CCSER1: variants seen among roughly 807,000 people sequenced by gnomAD.
CCSER1 encodes the protein serine-rich coiled-coil domain-containing protein 1.
CCSER1 carries 41 observed loss-of-function variants against 82.0 expected under a neutral mutation model. That is an observed-to-expected ratio of 0.50 (90% CI 0.39 to 0.65). CCSER1 has a LOEUF of 0.65. CCSER1 is among the 30% of genes least tolerant of loss of function. The pLI is 0.00. For synonymous variants in CCSER1, 414 were observed against 383.9 expected (o/e 1.08, Z -0.92); for missense variants, 1,119 against 1,064.2 (o/e 1.05, Z -0.72).
intron 5 of CCSER1, among the ~76,000 whole-genome samples, chr4:90,550,042 C>T (rs1310355789): frequency 1.3e-5 from 2 of 151,984 alleles, no homozygotes; most frequent in Non-Finnish European, 2.9e-5. Context: ...TTATCAAAAC[C>T]TTGCATTAGA....
intron 7 of CCSER1, among the ~76,000 whole-genome samples, chr4:90,725,437 A>G (rs1180167929): frequency 6.6e-6 from 1 of 151,484 alleles, no homozygotes; most frequent in Non-Finnish European, 1.5e-5. Context: ...AGAAATTAAA[A>G]CTTTCAAGTG....
intron 1 of CCSER1, among the ~76,000 whole-genome samples, chr4:90,145,197 G>T (rs1192685329): frequency 6.6e-6 from 1 of 151,976 alleles, no homozygotes; most frequent in African/African-American, 2.4e-5. Flanking sequence ...GCCCCAATTA[G>T]ATTTTAAATA....
intron 5 of CCSER1, among the ~76,000 whole-genome samples, chr4:90,519,199 G>A (rs1039178617): frequency 6.6e-6 from 1 of 151,312 alleles, no homozygotes; most frequent in Non-Finnish European, 1.5e-5. Context: ...CCTTCTATGT[G>A]CCAGATATTC....
intron 10 of CCSER1, among the ~76,000 whole-genome samples, chr4:91,540,484 AT>A (rs1761530045): frequency 6.6e-6 from 1 of 151,816 alleles, no homozygotes; most frequent in Non-Finnish European, 1.5e-5. Context: ...CGTATTGAAT[AT>A]TTTTTCCGAA....
At chr4:91,178,362 T>G (rs1463185811) in intron 10 of CCSER1, among the ~76,000 whole-genome samples, 1 of 151,368 alleles carries the variant, frequency 6.6e-6, no homozygotes, top group Non-Finnish European at 1.5e-5. Flanking sequence ...TTCCTGGATA[T>G]CCTTGTTAAC....
intron 1 of CCSER1, among the ~76,000 whole-genome samples, chr4:90,289,068 A>C (rs1730437147): frequency 6.6e-6 from 1 of 151,890 alleles, no homozygotes; most frequent in South Asian, 2.1e-4. Flanking sequence ...GAAGTGAGAA[A>C]GTAAGAATGT....
intron 9 of CCSER1, among the ~76,000 whole-genome samples, chr4:91,027,276 T>C (rs562638110): frequency 2.6e-5 from 4 of 152,190 alleles, no homozygotes; most frequent in Non-Finnish European, 5.9e-5. Context: ...CATTTTTATT[T>C]ACTAGACACA....
chr4:91,537,724 T>C (rs928077991), intron 10 of CCSER1, among the ~76,000 whole-genome samples: 8 of 152,054 alleles, frequency 5.3e-5, no homozygotes, highest in Middle Eastern at 3.4e-3. Flanking sequence ...AATAATGACT[T>C]AAAAAAATGA....
At chr4:90,383,235 C>T (rs543220944) in intron 3 of CCSER1, among the ~76,000 whole-genome samples, 8 of 151,876 alleles carry the variant, frequency 5.3e-5, no homozygotes, top group East Asian at 1.9e-4. Flanking sequence ...CAAGTAAAAT[C>T]GGAAAGGTTA....
chr4:90,881,289 G>A (rs1721271699), intron 8 of CCSER1, among the ~76,000 whole-genome samples: 1 of 151,778 alleles, frequency 6.6e-6, no homozygotes, highest in South Asian at 2.1e-4. Context: ...GGAGAGGAGA[G>A]AGGCAGAGAC....
intron 7 of CCSER1, among the ~76,000 whole-genome samples, chr4:90,729,676 C>T (rs1427840721): frequency 6.6e-6 from 1 of 151,940 alleles, no homozygotes; most frequent in African/African-American, 2.4e-5. Context: ...GGGATCGAGA[C>T]CATTCTGGCT....
At chr4:91,211,516 A>G (rs1169758880) in intron 10 of CCSER1, among the ~76,000 whole-genome samples, 3 of 152,114 alleles carry the variant, frequency 2.0e-5, no homozygotes, top group Non-Finnish European at 4.4e-5. Flanking sequence ...ATTATTGAGA[A>G]ATAAACTATT....
rs1461915064 is a variant in CCSER1 at position 90,692,039 on chromosome 4, A to G, written c.1933-31875A>G. The stretch of plus-strand genomic sequence containing the variant: ...TTCTTTTACAATTCAATGTGTGTAT[A>G]TATATATATATATATATATATATAT... On this transcript the variant is annotated intron_variant, in intron 6 of 10. Coordinates refer to ENST00000509176, the MANE Select transcript of CCSER1 (RefSeq NM_001145065.2). Among the ~76,000 whole-genome samples the G allele has an allele frequency of 2.6e-3, 26 of 10,176 alleles. No homozygotes were observed. The East Asian group carries it at 0.056, about 22-fold the overall frequency. The allele number at this position is 10,176 out of a possible 152,430, so 6.7% of individuals were successfully genotyped here.
At chr4:91,426,133 C>A (rs370042057) in intron 10 of CCSER1, among the ~76,000 whole-genome samples, 1 of 152,066 alleles carries the variant, frequency 6.6e-6, no homozygotes, top group Non-Finnish European at 1.5e-5. Flanking sequence ...TGAGCACATG[C>A]GGTGTTTGGT....
chr4:90,895,058 A>C (rs973293959), intron 8 of CCSER1, among the ~76,000 whole-genome samples: 13 of 152,000 alleles, frequency 8.6e-5, no homozygotes, highest in African/African-American at 3.1e-4. Context: ...GGAGCAAAAT[A>C]TAATGCTTCA....
chr4:91,143,573 GC>G (rs1425369642), intron 10 of CCSER1, among the ~76,000 whole-genome samples: 1 of 152,042 alleles, frequency 6.6e-6, no homozygotes, highest in Non-Finnish European at 1.5e-5. Flanking sequence ...AATGCCTCTA[GC>G]TTTTGCCCAT....
chr4:91,375,726 A>G (rs1055321078), intron 10 of CCSER1, among the ~76,000 whole-genome samples: 9 of 152,138 alleles, frequency 5.9e-5, no homozygotes, highest in African/African-American at 2.2e-4. Context: ...TAAAAGTGAA[A>G]CAAATAGCTG....
chr4:90,129,136 C>T (rs1032997216), intron 1 of CCSER1, among the ~76,000 whole-genome samples: 2 of 151,734 alleles, frequency 1.3e-5, no homozygotes, highest in African/African-American at 2.4e-5. Context: ...TAACACACAT[C>T]CTCCCTTCTC....
At chr4:91,048,840 C>G (rs1465077477) in intron 9 of CCSER1, among the ~76,000 whole-genome samples, 3 of 152,164 alleles carry the variant, frequency 2.0e-5, no homozygotes, top group Non-Finnish European at 2.9e-5. Context: ...CTCAAGTACA[C>G]ACTGCATTAC....
Sources: gnomAD v4.1 joint callset for allele counts (sites outside exome capture counted in the v4.1 genomes callset) on GRCh38, gnomAD v4.1.1 for gene constraint, MANE v1.5 for transcripts, NCBI Gene and HGNC (gene_info 2026-07-23, HGNC 2026-07-21) for gene names.